The following FBXO10 variants were observed in gnomAD, a reference collection of about 807,000 sequenced individuals.
FBXO10 encodes the protein F-box only protein 10.
A neutral mutation model predicts 80.7 loss-of-function variants in FBXO10; 39 were observed. The ratio of observed to expected loss-of-function variants is 0.48; its 90% CI spans 0.37 to 0.63. The LOEUF (loss-of-function observed/expected upper bound fraction) is 0.63, where lower values mean the gene tolerates loss of function less well. Ranked by LOEUF, FBXO10 falls within the 30% of genes least tolerant of loss-of-function variation. The pLI, the probability that FBXO10 is intolerant of heterozygous loss-of-function variation, is 0.00. For missense variants in FBXO10, 1,025 were observed against 1,269.0 expected, an observed-to-expected ratio of 0.81 and a Z score of 2.92; for synonymous variants, 449 against 489.6, an observed-to-expected ratio of 0.92 and a Z score of 1.09.
intron 1 of FBXO10, among the ~76,000 whole-genome samples, chr9:37,574,979 T>C (rs1392718697): frequency 6.6e-6 from 1 of 152,130 alleles, no homozygotes; most frequent in Non-Finnish European, 1.5e-5. Context: ...AGGTCCATCC[T>C]CTCCACTACC....
At chr9:37,551,929 C>T (rs931583472) in intron 1 of FBXO10, among the ~76,000 whole-genome samples, 1 of 152,180 alleles carries the variant, frequency 6.6e-6, no homozygotes, top group East Asian at 1.9e-4. Context: ...TTTCTTCTGC[C>T]AAATCACCTA....
chr9:37,573,039 A>T (rs1329952897), intron 1 of FBXO10, among the ~76,000 whole-genome samples: 1 of 152,184 alleles, frequency 6.6e-6, no homozygotes, highest in East Asian at 1.9e-4. Context: ...ACATATGGAA[A>T]AGTAAGGTGA....
At chr9:37,516,123 T>A in intron 9 of FBXO10, 38 bp from the exon 10 acceptor site, 1 of 1,590,478 alleles carries the variant, frequency 6.3e-7, no homozygotes, top group Non-Finnish European at 8.6e-7. Context: ...ACCTCAGGGA[T>A]TCACAGACTG....
At chr9:37,524,262 T>C (rs1821414030) in intron 6 of FBXO10, among the ~76,000 whole-genome samples, 1 of 152,206 alleles carries the variant, frequency 6.6e-6, no homozygotes, top group Non-Finnish European at 1.5e-5. Flanking sequence ...GCCTACCCAG[T>C]CCCTCTTTTG....
chr9:37,575,649 C>T (rs2119217107), intron 1 of FBXO10: 1 of 152,362 alleles, frequency 6.6e-6, no homozygotes, highest in South Asian at 2.1e-4. Flanking sequence ...CCCCTCTGTT[C>T]TTCACTGTAG....
rs748132341 is a variant in FBXO10, at chr9:37,537,463, C to T, written c.1066G>A (p.Gly356Arg). 1 of 1,606,082 alleles carries T rather than the reference C, an allele frequency of 6.2e-7. No homozygotes were observed. The highest frequency in any genetic ancestry group is 1.1e-5 in the South Asian group (1 of 89,542). The change falls in exon 3 of 11, where the codon GGA becomes AGA. Residue 356 changes from glycine (G) to arginine (R), a missense_variant. Gly to Arg is a moderately radical substitution (Grantham distance 125). Transcript: ENST00000432825. Reference sequence around the variant, plus strand: ...TCCTCACCGCTGGGACTCAGGCCTCCATCGCTGCTGTCCGGGGTCTGGGCC... The same window carrying T: ...TCCTCACCGCTGGGACTCAGGCCTCTATCGCTGCTGTCCGGGGTCTGGGCC... Reference protein sequence around the residue: ...RVAQTPDSSDGGLSPSGEDED... With the variant: ...RVAQTPDSSDRGLSPSGEDED...
intron 1 of FBXO10, among the ~76,000 whole-genome samples, chr9:37,566,086 C>G (rs1478279951): frequency 6.6e-6 from 1 of 152,104 alleles, no homozygotes; most frequent in East Asian, 1.9e-4. Flanking sequence ...TGAGTCCCAG[C>G]ACAAAAGGCC....
Position 37,522,480 on chromosome 9 carries a change from T to A in FBXO10, c.1930+345A>T, listed in dbSNP as rs1037015917. 25 of 1,054,476 alleles carry A rather than the reference T, an allele frequency of 2.4e-5. No homozygotes were observed. In the South Asian group the frequency reaches 5.7e-4, roughly 24 times the overall value. The allele number at this position is 1,054,476 out of a possible 1,614,324, so 65.3% of individuals were successfully genotyped here. On this transcript the variant is annotated intron_variant, in intron 7 of 10. Coordinates refer to ENST00000432825, the MANE Select transcript of FBXO10 (RefSeq NM_012166.3). ...GATTATCTTGTTTTCCCATTATATT[T>A]TCCGTTCTCTGGGATCAAAAGAAAG... is the stretch of plus-strand genomic sequence containing the variant.
chr9:37,572,208 A>G (rs1822777113), intron 1 of FBXO10, among the ~76,000 whole-genome samples: 1 of 152,196 alleles, frequency 6.6e-6, no homozygotes, highest in African/African-American at 2.4e-5. Context: ...AGACACACAC[A>G]TGAAAATAGT....
At chr9:37,514,833 C>CTAAA (rs36025064) in intron 10 of FBXO10, among the ~76,000 whole-genome samples, 24,044 of 151,698 alleles carry the variant, frequency 0.16, 2,412 homozygotes, top group Non-Finnish European at 0.21. Flanking sequence ...GACTTGGTCT[C>CTAAA]TAAATAAATA....
At chr9:37,531,553 CTGT>C (rs1303441356) in intron 4 of FBXO10, among the ~76,000 whole-genome samples, 2 of 152,224 alleles carry the variant, frequency 1.3e-5, no homozygotes, top group Non-Finnish European at 2.9e-5. Context: ...GGGTTCGCTG[CTGT>C]TGTTTTTGTT....
rs111361553 is a variant in FBXO10, at chr9:37,530,094, C to T, written c.1570-834G>A. 4.5e-3 allele frequency among the ~76,000 whole-genome samples: 679 copies of T among 152,258 alleles called. 8 individuals carry two copies. Among genetic ancestry groups the T allele is most frequent in the African/African-American group, 0.015 (638 of 41,540 alleles). On this transcript the variant is annotated intron_variant, in intron 4 of 10. Transcript: ENST00000432825. Reference sequence around the variant, plus strand: ...TTCTCTTTCCCATTCCAGTTAGTTGCTTTTGCACAGTGACTTAATATTTTT... The same window carrying T: ...TTCTCTTTCCCATTCCAGTTAGTTGTTTTTGCACAGTGACTTAATATTTTT...
chr9:37,514,598 G>A (rs1010228680), intron 10 of FBXO10, among the ~76,000 whole-genome samples: 1 of 152,138 alleles, frequency 6.6e-6, no homozygotes, highest in African/African-American at 2.4e-5. Context: ...TACTTTGGGA[G>A]GCCAAGGCGG....
At chr9:37,542,867 G>A (rs1465735835) in intron 1 of FBXO10, among the ~76,000 whole-genome samples, 3 of 152,170 alleles carry the variant, frequency 2.0e-5, no homozygotes, top group African/African-American at 7.2e-5. Flanking sequence ...TTGGGCTTCT[G>A]TGACTTGCAA....
rs777131938 is a variant in FBXO10, at chr9:37,512,630, C to T, written c.2788G>A (p.Val930Met). Residue 930 changes from valine to methionine, a missense_variant, in exon 11 of 11, where the codon GTG becomes ATG. Physicochemically the swap from Val to Met is conservative, Grantham distance 21. This residue lies in a region of FBXO10 where 97 missense variants were observed against 101.8 expected (regional missense o/e 0.95). Transcript: ENST00000432825. ...RPSAAHNGQK[V>M]TAMATRITAR... is the part of the protein sequence containing the mutation. ...GTGATCCTCGTTGCCATGGCTGTCA[C>T]CTTCTGCCCATTGTGGGCTGCCGAG... 6.2e-7 allele frequency: 1 copy of T among 1,614,000 alleles called. No homozygotes were observed. The highest frequency in any genetic ancestry group is 8.5e-7 in the Non-Finnish European group (1 of 1,179,890).
chr9:37,571,853 G>A (rs1822768689), intron 1 of FBXO10, among the ~76,000 whole-genome samples: 1 of 150,710 alleles, frequency 6.6e-6, no homozygotes, highest in South Asian at 2.1e-4. Context: ...ACTGCTCAAG[G>A]GCTGGGCATG....
rs1478002902 is a variant in FBXO10, at chr9:37,537,173, G to A, written c.1356C>T (p.Ala452=). The A allele has an allele frequency of 6.2e-7, 1 of 1,613,932 alleles. No individual in the cohort carries two copies. Among genetic ancestry groups the A allele is most frequent in the African/African-American group, 1.3e-5 (1 of 75,048 alleles). Residue 452 remains alanine (A), a synonymous_variant, in exon 3 of 11, where the codon GCC becomes GCT. Transcript: ENST00000432825. The part of the protein sequence containing the change: ...GGVFVCSHGR[A]KMEGNIFRNL... ...TCCGGAAGATGTTTCCTTCCATCTT[G>A]GCTCTGCCGTGGGAGCAGACGAAGA... is the stretch of plus-strand genomic sequence containing the variant.
chr9:37,545,363 G>C (rs892095066), intron 1 of FBXO10, among the ~76,000 whole-genome samples: 6 of 152,002 alleles, frequency 3.9e-5, no homozygotes, highest in African/African-American at 1.4e-4. Flanking sequence ...ATTTTTAGTA[G>C]AGACGGGGTT....
At chr9:37,535,882 G>A (rs1821754139) in intron 3 of FBXO10, 1 of 152,234 alleles carries the variant, frequency 6.6e-6, no homozygotes, top group Admixed American at 6.5e-5. Flanking sequence ...GGCAGAGCCA[G>A]ACTTTAACTA....
Sources: allele counts gnomAD v4.1 joint callset (sites outside exome capture counted in the v4.1 genomes callset), GRCh38; gene constraint gnomAD v4.1.1; regional missense constraint gnomAD v4.1.1; transcripts MANE v1.5; gene names NCBI Gene and HGNC (gene_info 2026-07-23, HGNC 2026-07-21).